TMEM108: variants seen among roughly 807,000 people sequenced by gnomAD.
TMEM108 encodes the protein transmembrane protein 108.
A neutral mutation model predicts 35.1 loss-of-function variants in TMEM108; 12 were observed. The observed-to-expected ratio is 0.34, with a 90% CI of 0.22 to 0.55. The LOEUF is 0.55. Ranked by LOEUF, TMEM108 falls within the 20% of genes least tolerant of loss-of-function variation. The pLI is 0.89. For synonymous variants in TMEM108, 287 were observed against 308.6 expected, an observed-to-expected ratio of 0.93 and a Z score of 0.73; for missense variants, 680 against 753.3, an observed-to-expected ratio of 0.90 and a Z score of 1.14.
intron 3 of TMEM108, among the ~76,000 whole-genome samples, chr3:133,298,688 A>G (rs1303060395): frequency 1.3e-5 from 2 of 152,122 alleles, no homozygotes; most frequent in Non-Finnish European, 2.9e-5. Flanking sequence ...TATTATGCCC[A>G]TGTTACAGGT....
chr3:133,380,994 A>G lies in TMEM108; in HGVS notation c.1283A>G (p.Asn428Ser). The change falls in exon 4 of 6, where the codon AAT becomes AGT. Residue 428 changes from asparagine to serine, a missense_variant. Asn to Ser is a conservative substitution (Grantham distance 46). Coordinates refer to ENST00000321871, the MANE Select transcript of TMEM108 (RefSeq NM_023943.4). This position sits in a 1 kb window ranked among gnomAD's most constrained non-coding sequence, Gnocchi z 5.3. ...ACAGTGGTATCCACAGCCACAGGCA[A>G]TTTCCTCAACCGCCTGGTCCCCGCC... ...LSTVVSTATG[N>S]FLNRLVPAGT... 1 of 1,614,124 alleles carries G rather than the reference A, an allele frequency of 6.2e-7. No individual in the cohort carries two copies. The highest frequency in any genetic ancestry group is 8.5e-7 in the Non-Finnish European group (1 of 1,180,016).
chr3:133,096,534 T>C (rs10935047), intron 2 of TMEM108, among the ~76,000 whole-genome samples: 37,769 of 152,008 alleles, frequency 0.25, 4,913 homozygotes, highest in Admixed American at 0.34. Flanking sequence ...AGCACAGGCT[T>C]TCTTGTCTCT....
intron 2 of TMEM108, among the ~76,000 whole-genome samples, chr3:133,047,595 C>T (rs1943355580): frequency 6.6e-6 from 1 of 152,110 alleles, no homozygotes; most frequent in Non-Finnish European, 1.5e-5. Flanking sequence ...TGACCTCCAC[C>T]CACGAAATGC....
chr3:133,268,120 C>T (rs1398486532), intron 3 of TMEM108, among the ~76,000 whole-genome samples: 1 of 152,182 alleles, frequency 6.6e-6, no homozygotes, highest in Non-Finnish European at 1.5e-5. Flanking sequence ...GGAGCTGAGA[C>T]TTCATGTGTG....
chr3:133,220,560 C>G (rs1360725630), intron 2 of TMEM108, among the ~76,000 whole-genome samples: 1 of 152,070 alleles, frequency 6.6e-6, no homozygotes, highest in African/African-American at 2.4e-5. Context: ...AAAAAATATT[C>G]AAATAAATAC....
chr3:133,043,726 G>A (rs2107669972), intron 1 of TMEM108, among the ~76,000 whole-genome samples: 1 of 151,986 alleles, frequency 6.6e-6, no homozygotes, highest in Non-Finnish European at 1.5e-5. Flanking sequence ...TAGGCTCCTA[G>A]GACTCACCAT....
intron 2 of TMEM108, among the ~76,000 whole-genome samples, chr3:133,089,677 C>T (rs1258596473): frequency 6.6e-6 from 1 of 152,164 alleles, no homozygotes; most frequent in East Asian, 1.9e-4. Flanking sequence ...CTTCTATAAT[C>T]CCAGATTAAT....
intron 2 of TMEM108, among the ~76,000 whole-genome samples, chr3:133,077,781 G>A (rs1943759533): frequency 6.6e-6 from 1 of 152,166 alleles, no homozygotes; most frequent in Non-Finnish European, 1.5e-5. Context: ...ATACAGGAGA[G>A]ATGGTCCATT....
rs75408446 is a variant in TMEM108 at position 133,063,514 on chromosome 3, A to T, written c.-47+17494A>T. ...CAGTGGGATCTTGCTAATGACTATA[A>T]GTTCCAGACAGCACAGGGAAAGGGT... is the stretch of plus-strand genomic sequence containing the variant. On this transcript the variant is annotated intron_variant, in intron 2 of 5. Coordinates refer to ENST00000321871, the MANE Select transcript of TMEM108 (RefSeq NM_023943.4). Among the ~76,000 whole-genome samples, 208 of 152,216 alleles carry T rather than the reference A, an allele frequency of 1.4e-3. 1 individual carries two copies. The highest frequency in any genetic ancestry group is 4.6e-3 in the African/African-American group (189 of 41,504).
chr3:133,048,672 A>C (rs1943367693), intron 2 of TMEM108, among the ~76,000 whole-genome samples: 1 of 152,166 alleles, frequency 6.6e-6, no homozygotes, highest in African/African-American at 2.4e-5. Context: ...CAACAAATGC[A>C]CTGTATTTTG....
chr3:133,135,309 C>CT (rs1418488199), intron 2 of TMEM108, among the ~76,000 whole-genome samples: 1 of 152,086 alleles, frequency 6.6e-6, no homozygotes, highest in African/African-American at 2.4e-5. Context: ...GCAATGTAAA[C>CT]TAAGTACAAA....
chr3:133,236,659 T>C (rs374336171), intron 3 of TMEM108, among the ~76,000 whole-genome samples: 35 of 152,132 alleles, frequency 2.3e-4, no homozygotes, highest in African/African-American at 8.2e-4. Flanking sequence ...GAACTCTCTT[T>C]GGTGCCTTTT....
At chr3:133,312,588 C>T (rs6808296) in intron 3 of TMEM108, among the ~76,000 whole-genome samples, 1,759 of 152,356 alleles carry the variant, frequency 0.012, 18 homozygotes, top group African/African-American at 0.023. Context: ...ATGTGAAAAG[C>T]GCAGTATTTG....
At chr3:133,145,551 T>C (rs1375464410) in intron 2 of TMEM108, among the ~76,000 whole-genome samples, 2 of 152,232 alleles carry the variant, frequency 1.3e-5, no homozygotes, top group Non-Finnish European at 2.9e-5. Context: ...TAAATTACTT[T>C]GGGCAGCGTG....
chr3:133,285,838 T>C (rs1946976345), intron 3 of TMEM108, among the ~76,000 whole-genome samples: 1 of 152,224 alleles, frequency 6.6e-6, no homozygotes. Context: ...CTGTTCGTTC[T>C]GGCCCTTGGA....
chr3:133,229,432 C>A, intron 3 of TMEM108, 81 bp downstream of exon 3: 1 of 1,389,050 alleles, frequency 7.2e-7, no homozygotes. Context: ...ACTTTTTGGA[C>A]GGAGACCAGG....
chr3:133,099,414 C>A (rs759223558), intron 2 of TMEM108, among the ~76,000 whole-genome samples: 35 of 152,190 alleles, frequency 2.3e-4, no homozygotes, highest in Non-Finnish European at 4.0e-4. Context: ...AGACATTTTC[C>A]CCGTGGTCTT....
rs963379247 is a variant in TMEM108 at position 133,343,946 on chromosome 3, C to A, written c.41-35806C>A. ...TAAACTGCATAGGTCTACTTATACA[C>A]AACCTTTTTCCAACCAAACCATATC... On this transcript the variant is annotated intron_variant, in intron 3 of 5. Transcript: ENST00000321871. Among the ~76,000 whole-genome samples the A allele has an allele frequency of 5.3e-5, 8 of 151,860 alleles. No homozygotes were observed. The East Asian group carries it at 5.8e-4, about 11-fold the overall frequency.
chr3:133,171,940 T>C (rs952041644), intron 2 of TMEM108, among the ~76,000 whole-genome samples: 4 of 152,220 alleles, frequency 2.6e-5, no homozygotes, highest in Non-Finnish European at 4.4e-5. Context: ...CTCTCACTTA[T>C]CTACTTTAGT....
Sources: allele counts gnomAD v4.1 joint callset (sites outside exome capture counted in the v4.1 genomes callset), GRCh38; gene constraint gnomAD v4.1.1; non-coding constraint Gnocchi (gnomAD v3.1); transcripts MANE v1.5; gene names NCBI Gene and HGNC (gene_info 2026-07-23, HGNC 2026-07-21).